The following SPSB4 variants were observed in gnomAD, a reference collection of about 807,000 sequenced individuals.
SPSB4 encodes SPRY domain-containing SOCS box protein 4.
In SPSB4, 21 loss-of-function variants were observed where a neutral mutation model predicts 20.9. That is an observed-to-expected ratio of 1.01 (90% CI 0.71 to 1.45). SPSB4 has a LOEUF of 1.45. Among genes scored for constraint, SPSB4 ranks in the 40% most tolerant of loss-of-function variants. SPSB4 has a pLI of 0.00. For synonymous variants in SPSB4, 207 were observed against 183.8 expected (o/e 1.13, Z -1.02); for missense variants, 399 against 399.2 (o/e 1.00, Z 0.00).
At chr3:141,101,011 TG>T (rs1343644919) in intron 2 of SPSB4, among the ~76,000 whole-genome samples, 4 of 152,026 alleles carry the variant, frequency 2.6e-5, no homozygotes, top group Non-Finnish European at 4.4e-5. Context: ...AAGAAGGGAA[TG>T]GAAACTCCCA....
chr3:141,142,195 C>T (rs1939341775), intron 2 of SPSB4, among the ~76,000 whole-genome samples: 1 of 152,194 alleles, frequency 6.6e-6, no homozygotes, highest in Non-Finnish European at 1.5e-5. Flanking sequence ...GAACTTTCCT[C>T]TTAGCACTGC....
At chr3:141,126,550 C>T (rs141046510) in intron 2 of SPSB4, among the ~76,000 whole-genome samples, 38 of 152,254 alleles carry the variant, frequency 2.5e-4, no homozygotes, top group African/African-American at 7.5e-4. Context: ...TGATATTTTT[C>T]GAAGGACACC....
intron 2 of SPSB4, among the ~76,000 whole-genome samples, chr3:141,136,634 A>G (rs1939232824): frequency 6.6e-6 from 1 of 152,210 alleles, no homozygotes; most frequent in African/African-American, 2.4e-5. Context: ...AGGTTTGTCA[A>G]AGATCAGATG....
chr3:141,060,720 A>C (rs949720689), intron 1 of SPSB4, among the ~76,000 whole-genome samples: 5 of 152,240 alleles, frequency 3.3e-5, no homozygotes, highest in African/African-American at 1.2e-4. Context: ...CCGAGGCTAA[A>C]CCAGTTTATA....
intron 2 of SPSB4, among the ~76,000 whole-genome samples, chr3:141,124,808 T>TG (rs1939025841): frequency 6.6e-6 from 1 of 152,090 alleles, no homozygotes. Flanking sequence ...GACATGTCTA[T>TG]GAGGCCACAG....
chr3:141,074,985 G>C (rs1055466162), intron 2 of SPSB4, among the ~76,000 whole-genome samples: 2 of 152,212 alleles, frequency 1.3e-5, no homozygotes, highest in Non-Finnish European at 1.5e-5. Context: ...TTACAGATGG[G>C]AGCTGACTGG....
intron 2 of SPSB4, among the ~76,000 whole-genome samples, chr3:141,121,909 C>G (rs1938973667): frequency 6.6e-6 from 1 of 152,226 alleles, no homozygotes; most frequent in Non-Finnish European, 1.5e-5. Context: ...CTGAAGCCTA[C>G]TTCTGTCAAC....
At chr3:141,056,014 G>A (rs1248263439) in intron 1 of SPSB4, among the ~76,000 whole-genome samples, 1 of 152,236 alleles carries the variant, frequency 6.6e-6, no homozygotes, top group African/African-American at 2.4e-5. Flanking sequence ...CATGGAGAGA[G>A]AGAGTGAAAA....
chr3:141,061,968 C>A (rs905754759), intron 1 of SPSB4, among the ~76,000 whole-genome samples: 2 of 152,194 alleles, frequency 1.3e-5, no homozygotes, highest in African/African-American at 4.8e-5. Flanking sequence ...CTCTTGACCT[C>A]AAATGATCCA....
At chr3:141,140,569 G>A (rs1360004259) in intron 2 of SPSB4, among the ~76,000 whole-genome samples, 1 of 152,200 alleles carries the variant, frequency 6.6e-6, no homozygotes, top group South Asian at 2.1e-4. Context: ...CTCAGCTGCA[G>A]GTCTGTTGGA....
chr3:141,088,080 AG>A (rs1938384112), intron 2 of SPSB4, among the ~76,000 whole-genome samples: 1 of 152,026 alleles, frequency 6.6e-6, no homozygotes, highest in Admixed American at 6.6e-5. Context: ...GAATGGCCCA[AG>A]GGGGTCTCTC....
Position 141,051,550 on chromosome 3 carries a change from C to CT in SPSB4, c.-595dup, listed in dbSNP as rs1179919649. ...GCCCGGGCCCCAGCTGCTGCTACCGCTGCGTGCGCTCAGGGCGCTGGGGAA... is the reference window on the plus strand; with the variant it reads ...GCCCGGGCCCCAGCTGCTGCTACCGCTTGCGTGCGCTCAGGGCGCTGGGGAA... On this transcript the variant is annotated 5_prime_UTR_variant, in exon 1 of 3. The change abolishes the stop of an existing upstream ORF in the 5' untranslated region. Transcript: ENST00000310546. 1 of 149,576 alleles carries CT rather than the reference C, an allele frequency of 6.7e-6. No homozygotes were observed. Among genetic ancestry groups the CT allele is most frequent in the Non-Finnish European group, 1.5e-5 (1 of 67,214 alleles). The allele number at this position is 149,576 out of a possible 1,614,324, so 9.3% of individuals were successfully genotyped here. A position where few individuals can be genotyped will look rare whatever the true frequency, so the allele number is the denominator to read the frequency against.
chr3:141,100,087 C>G lies in SPSB4; in HGVS notation c.694+33289C>G, dbSNP rs143492151. Reference sequence around the variant, plus strand: ...AGTGTCTCACTCTCACTCATTCTCTCTCATTGTTCTCTGGTGGTCAACCCA... The same window carrying G: ...AGTGTCTCACTCTCACTCATTCTCTGTCATTGTTCTCTGGTGGTCAACCCA... On this transcript the variant is annotated intron_variant, in intron 2 of 2. Transcript: ENST00000310546. Among the ~76,000 whole-genome samples the G allele has an allele frequency of 2.2e-4, 33 of 152,348 alleles. No homozygotes were observed. In the East Asian group the frequency reaches 3.3e-3, roughly 15 times the overall value.
chr3:141,146,902 G>A (rs542090270), intron 2 of SPSB4, among the ~76,000 whole-genome samples: 4 of 152,002 alleles, frequency 2.6e-5, no homozygotes, highest in Admixed American at 1.3e-4. Flanking sequence ...ATTATGGCTG[G>A]TCACCACCCA....
At chr3:141,147,115 A>C in intron 2 of SPSB4, 27 bp from the exon 3 acceptor site, 1 of 1,612,788 alleles carries the variant, frequency 6.2e-7, no homozygotes, top group South Asian at 1.1e-5. Flanking sequence ...CACAGGGCAC[A>C]CTCTAACTGC....
In SPSB4 at chr3:141,122,258, G is replaced by A. The variant is rs150290374; in HGVS notation, c.695-24884G>A. 3.9e-3 allele frequency among the ~76,000 whole-genome samples: 595 copies of A among 152,280 alleles called. 4 individuals carry two copies. Among genetic ancestry groups the A allele is most frequent in the African/African-American group, 0.013 (553 of 41,556 alleles). ...TATCACCAGCAGAGGCTGCAGAACA[G>A]CAAATATTGCTGCCTGATTCTTTCT... On this transcript the variant is annotated intron_variant, in intron 2 of 2. Transcript: ENST00000310546.
intron 2 of SPSB4, among the ~76,000 whole-genome samples, chr3:141,119,194 G>C (rs1360817844): frequency 6.6e-6 from 1 of 152,188 alleles, no homozygotes. Context: ...TCTCCTTGAA[G>C]AGGTCCTTCA....
chr3:141,116,537 C>G (rs1938882922), intron 2 of SPSB4, among the ~76,000 whole-genome samples: 1 of 152,154 alleles, frequency 6.6e-6, no homozygotes, highest in Non-Finnish European at 1.5e-5. Context: ...GAGAGTGCAT[C>G]CCAGACCATG....
intron 2 of SPSB4, among the ~76,000 whole-genome samples, chr3:141,091,503 G>A (rs73872048): frequency 0.033 from 5,024 of 152,248 alleles, 254 homozygotes; most frequent in East Asian, 0.14. Context: ...ATTTTTGACC[G>A]TCAAAACTGT....
Sources: gnomAD v4.1 joint callset for allele counts (sites outside exome capture counted in the v4.1 genomes callset) on GRCh38, gnomAD v4.1.1 for gene constraint, MANE v1.5 for transcripts, NCBI Gene and HGNC (gene_info 2026-07-23, HGNC 2026-07-21) for gene names.